TNFRSF9: variants seen among roughly 807,000 people sequenced by gnomAD.
TNFRSF9 encodes the protein tumor necrosis factor receptor superfamily member 9.
In TNFRSF9, 16 loss-of-function variants were observed where a neutral mutation model predicts 28.8. The observed-to-expected ratio is 0.55, with a 90% CI of 0.38 to 0.84. TNFRSF9 has a LOEUF of 0.84. Among genes scored for constraint, TNFRSF9 ranks in the 40% least tolerant of loss-of-function variants. TNFRSF9 has a pLI of 0.00. For synonymous variants in TNFRSF9, 131 were observed against 117.0 expected (o/e 1.12, Z -0.77); for missense variants, 303 against 315.0 (o/e 0.96, Z 0.29).
At chr1:7,938,634 T>G (rs1639856161) in intron 3 of TNFRSF9, 87 bp downstream of exon 3, 1 of 1,175,896 alleles carries the variant, frequency 8.5e-7, no homozygotes, top group Non-Finnish European at 1.2e-6. Context: ...ACTTGAGATT[T>G]TCAAAAGAGA....
At chr1:7,924,294 C>CATATGTATGTATAT (rs1238435280) in intron 7 of TNFRSF9, among the ~76,000 whole-genome samples, 2 of 129,996 alleles carry the variant, frequency 1.5e-5, no homozygotes, top group African/African-American at 5.7e-5. Flanking sequence ...TAGTATATTC[C>CATATGTATGTATAT]ATATATATAT....
In TNFRSF9 at chr1:7,938,189, G is replaced by T; in HGVS notation, c.346+4C>A. ...TACACTAGATCAAAGAAACGCAAAC[G>T]TACCTTTTTTTGTCAGTTCTTGACC... On this transcript the variant is annotated splice_donor_region_variant and intron_variant, in intron 4 of 7. Coordinates refer to ENST00000377507, the MANE Select transcript of TNFRSF9 (RefSeq NM_001561.6). 6.4e-7 allele frequency: 1 copy of T among 1,572,080 alleles called. No homozygotes were observed. Among genetic ancestry groups the T allele is most frequent in the South Asian group, 1.2e-5 (1 of 85,224 alleles).
chr1:7,928,681 CA>C (rs1478131733), intron 7 of TNFRSF9, among the ~76,000 whole-genome samples: 1 of 151,998 alleles, frequency 6.6e-6, no homozygotes, highest in Non-Finnish European at 1.5e-5. Context: ...CACATGAGGC[CA>C]GGAGTTCAAG....
At position 7,935,068 on chromosome 1, in the gene TNFRSF9, G is replaced by A. The variant is rs780480575; in HGVS notation, c.489C>T (p.Ala163=). The change falls in exon 6 of 8, where the codon GCC becomes GCT. Residue 163 remains alanine, a synonymous_variant. Coordinates refer to ENST00000377507, the MANE Select transcript of TNFRSF9 (RefSeq NM_001561.6). Reference sequence around the variant, plus strand: ...CAGAGGATGCTCCCGGAGAGAGGTCGGCTGGAGATGGTCCACAGACCACGT... The same window carrying A: ...CAGAGGATGCTCCCGGAGAGAGGTCAGCTGGAGATGGTCCACAGACCACGT... ...ERDVVCGPSP[A]DLSPGASSVT... 3.9e-5 allele frequency: 63 copies of A among 1,614,100 alleles called. No homozygotes were observed. In the East Asian group the frequency reaches 6.0e-4, roughly 15 times the overall value.
intron 6 of TNFRSF9, among the ~76,000 whole-genome samples, chr1:7,934,376 G>T (rs1355852589): frequency 4.4e-5 from 6 of 134,870 alleles, no homozygotes; most frequent in Non-Finnish European, 8.1e-5. Context: ...CACTCTCGGG[G>T]GAAAAAAAAA....
chr1:7,934,061 C>G (rs1276650070), intron 6 of TNFRSF9, among the ~76,000 whole-genome samples: 1 of 151,930 alleles, frequency 6.6e-6, no homozygotes, highest in African/African-American at 2.4e-5. Flanking sequence ...AGCAGTTTAT[C>G]CTTTCTAGCA....
At chr1:7,937,584 G>T in intron 5 of TNFRSF9, 106 bp downstream of exon 5, 1 of 872,676 alleles carries the variant, frequency 1.1e-6, no homozygotes, top group Non-Finnish European at 1.9e-6. Flanking sequence ...GTTACATTCT[G>T]TCTACACTTG....
chr1:7,930,064 G>T (rs185662742), intron 7 of TNFRSF9, among the ~76,000 whole-genome samples: 1 of 147,556 alleles, frequency 6.8e-6, no homozygotes, highest in East Asian at 2.1e-4. Flanking sequence ...CCACCTCCCG[G>T]GTTCAAGCGA....
Position 7,920,854 on chromosome 1 carries a change from T to TCTC in TNFRSF9, c.748_749insGAG (p.Glu249_Glu250insGly), listed in dbSNP as rs762372125. ...TCCATTTCACAGTTCACATCCTCCT[T>TCTC]CTTCTTCTTCTGGAAATCGGCAGCT... On this transcript the variant is annotated inframe_insertion, in exon 8 of 8. Coordinates refer to ENST00000377507, the MANE Select transcript of TNFRSF9 (RefSeq NM_001561.6). 1.5e-5 allele frequency: 24 copies of TCTC among 1,606,570 alleles called. No individual in the cohort carries two copies. The East Asian group carries it at 5.1e-4, about 34-fold the overall frequency.
chr1:7,935,699 C>T (rs1366138060), intron 5 of TNFRSF9, among the ~76,000 whole-genome samples: 1 of 152,112 alleles, frequency 6.6e-6, no homozygotes, highest in Non-Finnish European at 1.5e-5. Context: ...ACTGATGGTG[C>T]ATGCCTGTGG....
chr1:7,940,110 G>T, intron 1 of TNFRSF9, 32 bp from the exon 2 acceptor site: 2 of 681,880 alleles, frequency 2.9e-6, no homozygotes, highest in South Asian at 2.3e-5. Flanking sequence ...AAGGAAAGGT[G>T]GTTTCTCCTT....
At chr1:7,922,908 CT>C (rs749135432) in intron 7 of TNFRSF9, among the ~76,000 whole-genome samples, 162 of 137,816 alleles carry the variant, frequency 1.2e-3, no homozygotes, top group Non-Finnish European at 1.6e-3. Flanking sequence ...TTTTTTTTTT[CT>C]TTTTTTTTTT....
At chr1:7,938,628 G>T in intron 3 of TNFRSF9, 93 bp downstream of exon 3, 1 of 1,113,994 alleles carries the variant, frequency 9.0e-7, no homozygotes, top group Non-Finnish European at 1.3e-6. Flanking sequence ...TTTGACACTT[G>T]AGATTTTCAA....
intron 7 of TNFRSF9, among the ~76,000 whole-genome samples, chr1:7,922,707 G>C (rs1213715617): frequency 6.6e-6 from 1 of 151,720 alleles, no homozygotes; most frequent in Non-Finnish European, 1.5e-5. Flanking sequence ...AGCTATTCGG[G>C]AGTCTGAGGC....
intron 3 of TNFRSF9, 77 bp from the exon 4 acceptor site, chr1:7,938,407 T>TA: frequency 5.7e-6 from 8 of 1,407,490 alleles, no homozygotes; most frequent in East Asian, 2.5e-5. Context: ...TGCTCTGCAG[T>TA]AAAAATCATG....
intron 5 of TNFRSF9, 44 bp from the exon 6 acceptor site, chr1:7,935,187 C>T (rs1316681627): frequency 1.3e-6 from 2 of 1,592,694 alleles, no homozygotes; most frequent in Non-Finnish European, 1.7e-6. Context: ...TAACTTAGGT[C>T]CAGAAGATTC....
rs528502163 is a variant in TNFRSF9, at chr1:7,937,821, T to G, written c.347-65A>C. ...TTTCATCATTTTGTAACTTTTCCTG[T>G]GATGAACTTAATATAAGTCATTACC... On this transcript the variant is annotated intron_variant, in intron 4 of 7. Transcript: ENST00000377507. The G allele has an allele frequency of 7.5e-5, 106 of 1,412,788 alleles. 1 individual carries two copies. The East Asian group carries it at 8.7e-4, about 12-fold the overall frequency. The allele number at this position is 1,412,788 out of a possible 1,614,324, so 87.5% of individuals were successfully genotyped here.
rs1384583599 is a variant in TNFRSF9, at chr1:7,916,437, T to C, written c.*4398A>G. On this transcript the variant is annotated 3_prime_UTR_variant, in exon 8 of 8. Transcript: ENST00000377507. ...ATAGGCTATGATAAAAATATCACAG[T>C]CTGTATCATAAACATAGCCTCCTTT... The C allele has an allele frequency of 6.6e-6, 1 of 152,204 alleles. No homozygotes were observed. The highest frequency in any genetic ancestry group is 1.9e-4 in the East Asian group (1 of 5,198). 9.4% of individuals were successfully genotyped at this position (152,204 alleles called of 1,614,324 possible).
Position 7,920,586 on chromosome 1 carries a change from G to A in TNFRSF9, c.*249C>T, listed in dbSNP as rs1400045235. 2.4e-6 allele frequency: 1 copy of A among 411,906 alleles called. No homozygotes were observed. Among genetic ancestry groups the A allele is most frequent in the East Asian group, 4.8e-5 (1 of 20,982 alleles). 25.5% of individuals were successfully genotyped at this position (411,906 alleles called of 1,614,324 possible). On this transcript the variant is annotated 3_prime_UTR_variant, in exon 8 of 8. Transcript: ENST00000377507. The stretch of plus-strand genomic sequence containing the variant: ...GATCACTTGAGCTCCCAGAGGTCAA[G>A]GCTGCAGAGAGCCATGGTGGTGCCA...
Sources: allele counts gnomAD v4.1 joint callset (sites outside exome capture counted in the v4.1 genomes callset), GRCh38; gene constraint gnomAD v4.1.1; transcripts MANE v1.5; gene names NCBI Gene and HGNC (gene_info 2026-07-23, HGNC 2026-07-21).